The following ARHGAP15 variants were observed in gnomAD, a reference collection of about 807,000 sequenced individuals.
ARHGAP15 encodes rho GTPase-activating protein 15.
In ARHGAP15, 51 loss-of-function variants were observed where a neutral mutation model predicts 63.7. The observed-to-expected ratio is 0.80, with a 90% confidence interval of 0.64 to 1.01. The LOEUF (loss-of-function observed/expected upper bound fraction) is 1.01, where lower values mean the gene tolerates loss of function less well. ARHGAP15 is among the 50% of genes least tolerant of loss of function. The pLI is 0.00. For synonymous variants in ARHGAP15, 191 were observed against 193.8 expected (o/e 0.99, Z 0.12); for missense variants, 560 against 564.6 (o/e 0.99, Z 0.08).
At chr2:143,755,081 C>G (rs75352217) in intron 13 of ARHGAP15, among the ~76,000 whole-genome samples, 2,190 of 152,216 alleles carry the variant, frequency 0.014, 57 homozygotes, top group African/African-American at 0.05. Context: ...CTTTGACTTT[C>G]CCAGAATGCT....
At chr2:143,725,820 A>G (rs1277524313) in intron 13 of ARHGAP15, among the ~76,000 whole-genome samples, 1 of 152,234 alleles carries the variant, frequency 6.6e-6, no homozygotes, top group Non-Finnish European at 1.5e-5. Flanking sequence ...GGGGTTCAGC[A>G]TGTAAATCCC....
chr2:143,237,309 G>A (rs530665098), intron 5 of ARHGAP15: 3 of 152,188 alleles, frequency 2.0e-5, no homozygotes, highest in Non-Finnish European at 2.9e-5. Context: ...GAGCTCTTAC[G>A]ACAGAGAAAA....
chr2:143,542,641 T>A (rs566490517), intron 10 of ARHGAP15, among the ~76,000 whole-genome samples: 1 of 143,354 alleles, frequency 7.0e-6, no homozygotes, highest in African/African-American at 2.5e-5. Context: ...TGATTTAAAA[T>A]ATATATATGA....
intron 6 of ARHGAP15, among the ~76,000 whole-genome samples, chr2:143,266,139 A>G (rs983102882): frequency 1.3e-5 from 2 of 152,196 alleles, no homozygotes; most frequent in Non-Finnish European, 2.9e-5. Context: ...AAAAATATCT[A>G]ATTTATGGTT....
At chr2:143,708,231 A>C (rs1684418981) in intron 13 of ARHGAP15, among the ~76,000 whole-genome samples, 3 of 152,218 alleles carry the variant, frequency 2.0e-5, no homozygotes, top group Admixed American at 2.0e-4. Context: ...AGAGTCTTGC[A>C]TAGTACTTAG....
At chr2:143,371,401 A>G (rs563183429) in intron 6 of ARHGAP15, among the ~76,000 whole-genome samples, 17 of 152,334 alleles carry the variant, frequency 1.1e-4, no homozygotes, top group Admixed American at 5.9e-4. Context: ...TAGAGTTTCT[A>G]CATGAGACTC....
intron 3 of ARHGAP15, 47 bp downstream of exon 3, chr2:143,202,249 A>C: frequency 6.6e-7 from 1 of 1,505,044 alleles, no homozygotes; most frequent in South Asian, 1.1e-5. Context: ...TACAAAATAA[A>C]TTGCCACAAA....
At chr2:143,309,772 T>G (rs1054700706) in intron 6 of ARHGAP15, among the ~76,000 whole-genome samples, 1 of 152,018 alleles carries the variant, frequency 6.6e-6, no homozygotes, top group African/African-American at 2.4e-5. Context: ...CACTGGCTTC[T>G]GCCAACTAGA....
At chr2:143,538,171 C>A (rs1303200758) in intron 10 of ARHGAP15, among the ~76,000 whole-genome samples, 1 of 152,056 alleles carries the variant, frequency 6.6e-6, no homozygotes, top group African/African-American at 2.4e-5. Flanking sequence ...CATGATTTGG[C>A]TCTCTGTTTG....
At chr2:143,707,509 G>A (rs192875045) in intron 13 of ARHGAP15, among the ~76,000 whole-genome samples, 171 of 152,352 alleles carry the variant, frequency 1.1e-3, no homozygotes, top group Middle Eastern at 6.8e-3. Context: ...TTTGGCAGGT[G>A]TGTATTAATC....
At chr2:143,382,366 A>G (rs1054964724) in intron 6 of ARHGAP15, among the ~76,000 whole-genome samples, 1 of 152,114 alleles carries the variant, frequency 6.6e-6, no homozygotes, top group Non-Finnish European at 1.5e-5. Flanking sequence ...TTTCTGGTGG[A>G]CAGCTGCCAA....
At chr2:143,316,182 G>T (rs1238048096) in intron 6 of ARHGAP15, among the ~76,000 whole-genome samples, 1 of 151,980 alleles carries the variant, frequency 6.6e-6, no homozygotes, top group East Asian at 1.9e-4. Context: ...AAGAAAATCA[G>T]ACTTTCCTCC....
At chr2:143,580,348 A>G (rs1015783158) in intron 11 of ARHGAP15, among the ~76,000 whole-genome samples, 3 of 152,138 alleles carry the variant, frequency 2.0e-5, no homozygotes, top group East Asian at 1.9e-4. Context: ...CCAGAGGTCA[A>G]CATATTCTCC....
At chr2:143,325,257 T>C (rs1313198115) in intron 6 of ARHGAP15, among the ~76,000 whole-genome samples, 1 of 152,266 alleles carries the variant, frequency 6.6e-6, no homozygotes, top group Admixed American at 6.5e-5. Flanking sequence ...ACATTATAAA[T>C]GAAGAATAAT....
At chr2:143,355,992 T>G (rs1293722789) in intron 6 of ARHGAP15, among the ~76,000 whole-genome samples, 2 of 151,906 alleles carry the variant, frequency 1.3e-5, no homozygotes, top group African/African-American at 4.8e-5. Flanking sequence ...CTGTCACCAC[T>G]GACAGGCTAT....
intron 5 of ARHGAP15, among the ~76,000 whole-genome samples, chr2:143,233,121 C>A (rs192183797): frequency 6.6e-6 from 1 of 152,012 alleles, no homozygotes; most frequent in East Asian, 1.9e-4. Flanking sequence ...TTAATATCAC[C>A]AGACATTATT....
At chr2:143,645,212 C>G (rs1680811635) in intron 12 of ARHGAP15, among the ~76,000 whole-genome samples, 1 of 151,944 alleles carries the variant, frequency 6.6e-6, no homozygotes, top group Non-Finnish European at 1.5e-5. Flanking sequence ...AAAGTAAAAT[C>G]TTTAAAGTAA....
chr2:143,636,489 T>G (rs975802448), intron 12 of ARHGAP15, among the ~76,000 whole-genome samples: 8 of 152,152 alleles, frequency 5.3e-5, no homozygotes, highest in African/African-American at 7.2e-5. Context: ...TCTGTAAGCT[T>G]GGATTTGTGA....
intron 10 of ARHGAP15, among the ~76,000 whole-genome samples, chr2:143,547,057 T>A (rs899220251): frequency 6.6e-6 from 1 of 152,178 alleles, no homozygotes; most frequent in African/African-American, 2.4e-5. Flanking sequence ...TAGAGAAATT[T>A]CTCAAGCAAA....
Sources: allele counts gnomAD v4.1 joint callset (sites outside exome capture counted in the v4.1 genomes callset), GRCh38; gene constraint gnomAD v4.1.1; transcripts MANE v1.5; gene names NCBI Gene and HGNC (gene_info 2026-07-23, HGNC 2026-07-21).